Variants in DNAH14 observed in about 807,000 individuals in gnomAD.
DNAH14 encodes axonemal beta dynein heavy chain 14.
DNAH14 carries 478 observed loss-of-function variants against 520.9 expected under a neutral mutation model. The ratio of observed to expected loss-of-function variants is 0.92; its 90% CI spans 0.85 to 0.99. DNAH14 has a LOEUF of 0.99. Ranked by LOEUF, DNAH14 falls within the 50% of genes least tolerant of loss-of-function variation. DNAH14 has a pLI of 0.00. For missense variants in DNAH14, 4,831 were observed against 5,234.5 expected (o/e 0.92, Z 2.38); for synonymous variants, 1,581 against 1,757.2 (o/e 0.90, Z 2.51).
At chr1:225,289,774 T>G (rs1056661558) in intron 54 of DNAH14, 111 bp from the exon 55 acceptor site, 3 of 655,156 alleles carry the variant, frequency 4.6e-6, no homozygotes, top group Non-Finnish European at 6.8e-6. Flanking sequence ...ATAAAAATAG[T>G]CTGGGGTATT....
chr1:225,216,699 C>T (rs894852899), intron 41 of DNAH14, among the ~76,000 whole-genome samples: 1 of 152,172 alleles, frequency 6.6e-6, no homozygotes, highest in Admixed American at 6.5e-5. Context: ...GCTACTGAAG[C>T]TTGTGCATCT....
intron 79 of DNAH14, among the ~76,000 whole-genome samples, chr1:225,378,976 C>T (rs893681240): frequency 1.3e-5 from 2 of 152,102 alleles, no homozygotes; most frequent in African/African-American, 4.8e-5. Context: ...TACTCATCCA[C>T]TAACTGTCTA....
chr1:224,934,668 A>G (rs2058909474), intron 1 of DNAH14, among the ~76,000 whole-genome samples: 1 of 151,850 alleles, frequency 6.6e-6, no homozygotes, highest in Non-Finnish European at 1.5e-5. Context: ...TTAGACATTC[A>G]GACACTAGAG....
At chr1:225,019,114 G>C (rs2065445950) in intron 10 of DNAH14, among the ~76,000 whole-genome samples, 1 of 152,072 alleles carries the variant, frequency 6.6e-6, no homozygotes, top group Non-Finnish European at 1.5e-5. Context: ...CACTTTAAAG[G>C]CCAACTGTGA....
At chr1:225,214,533 C>T (rs1193837301) in intron 41 of DNAH14, among the ~76,000 whole-genome samples, 1 of 152,026 alleles carries the variant, frequency 6.6e-6, no homozygotes, top group Non-Finnish European at 1.5e-5. Context: ...AATCCATCTG[C>T]TGCTAGACTT....
Position 225,303,227 on chromosome 1 carries a change from A to G in DNAH14, c.8703A>G (p.Arg2901=), listed in dbSNP as rs771510133. 7.8e-6 allele frequency: 12 copies of G among 1,548,222 alleles called. No individual in the cohort carries two copies. In the African/African-American group the frequency reaches 1.1e-4, roughly 14 times the overall value. ...PEGPSFRQNC[R]VYPSMISSCT... ...GACCTAGCTTCCGCCAAAATTGTAG[A>G]GTGTATCCTTCTATGATTAGCTCCT... is the stretch of plus-strand genomic sequence containing the variant. The change falls in exon 57 of 86, where the codon AGA becomes AGG. Residue 2901 remains arginine (R), a synonymous_variant. Coordinates refer to ENST00000682510, the MANE Select transcript of DNAH14 (RefSeq NM_001367479.1).
In DNAH14 at chr1:225,335,283, A is replaced by G. The variant is rs1384524440; in HGVS notation, c.10080+1777A>G. Among the ~76,000 whole-genome samples, 13 of 139,378 alleles carry G rather than the reference A, an allele frequency of 9.3e-5. No individual in the cohort carries two copies. In the South Asian group the frequency reaches 1.2e-3, roughly 13 times the overall value. 91.4% of individuals were successfully genotyped at this position (139,378 alleles called of 152,430 possible). ...ACATATACACGTGTACATTGTGTGT[A>G]TATGCACATATACACATGTGTACAC... On this transcript the variant is annotated intron_variant, in intron 66 of 85. Coordinates refer to ENST00000682510, the MANE Select transcript of DNAH14 (RefSeq NM_001367479.1).
In DNAH14 at chr1:225,206,119, AGT is replaced by A; in HGVS notation, c.6128_6129del (p.Val2043GlyfsTer23). 1 of 1,551,508 alleles carries A rather than the reference AGT, an allele frequency of 6.4e-7. No individual in the cohort carries two copies. The highest frequency in any genetic ancestry group is 8.7e-7 in the Non-Finnish European group (1 of 1,146,838). ...LTNKIRVIFE[V>X]DNLSQASPAT... Reference sequence around the variant, plus strand: ...CTAATAAAATAAGAGTGATTTTTGAAGTGGACAATCTCTCTCAGGCCAGTCCT... The same window carrying A: ...CTAATAAAATAAGAGTGATTTTTGAAGGACAATCTCTCTCAGGCCAGTCCT... On this transcript the variant is annotated frameshift_variant, in exon 40 of 86. Coordinates refer to ENST00000682510, the MANE Select transcript of DNAH14 (RefSeq NM_001367479.1). LOFTEE classifies it high-confidence loss of function.
At chr1:225,307,659 A>G in intron 59 of DNAH14, 90 bp downstream of exon 59, 1 of 992,246 alleles carries the variant, frequency 1.0e-6, no homozygotes, top group Non-Finnish European at 1.4e-6. Context: ...TGACAAAGAC[A>G]GGCTAGAATT....
intron 38 of DNAH14, among the ~76,000 whole-genome samples, chr1:225,203,255 T>C (rs544700814): frequency 6.6e-6 from 1 of 152,302 alleles, no homozygotes; most frequent in East Asian, 1.9e-4. Flanking sequence ...AAACAATCTA[T>C]TTAGAGAAAG....
chr1:225,105,189 A>T (rs1412295975), intron 23 of DNAH14, among the ~76,000 whole-genome samples: 1 of 152,066 alleles, frequency 6.6e-6, no homozygotes, highest in Non-Finnish European at 1.5e-5. Context: ...CATGTGGTTG[A>T]GCGGTTTTGA....
intron 77 of DNAH14, among the ~76,000 whole-genome samples, chr1:225,368,946 C>T (rs981922665): frequency 5.3e-5 from 8 of 152,082 alleles, no homozygotes; most frequent in South Asian, 2.1e-4. Context: ...AGCTCAAGTA[C>T]GCTTCTGTCA....
At chr1:224,992,185 C>T (rs1319878871) in intron 8 of DNAH14, among the ~76,000 whole-genome samples, 1 of 152,000 alleles carries the variant, frequency 6.6e-6, no homozygotes, top group Non-Finnish European at 1.5e-5. Flanking sequence ...ATGCCTCCTG[C>T]TTTGTTCTTT....
chr1:224,953,316 G>A (rs2060297629), intron 2 of DNAH14, among the ~76,000 whole-genome samples: 1 of 151,782 alleles, frequency 6.6e-6, no homozygotes, highest in South Asian at 2.1e-4. Flanking sequence ...AGTAGAGATG[G>A]GGTTTCACCA....
Position 225,305,023 on chromosome 1 carries a change from A to G in DNAH14, c.8939A>G (p.Tyr2980Cys), listed in dbSNP as rs1450397810. 2 of 1,545,780 alleles carry G rather than the reference A, an allele frequency of 1.3e-6. No individual in the cohort carries two copies. The highest frequency in any genetic ancestry group is 1.7e-6 in the Non-Finnish European group (2 of 1,145,824). ...GRFYYTTPNS[Y>C]LQFMETFAHI... Reference sequence around the variant, plus strand: ...TTTTATTATACCACTCCCAATAGCTACTTGCAATTTATGGAAACATTTGCA... The same window carrying G: ...TTTTATTATACCACTCCCAATAGCTGCTTGCAATTTATGGAAACATTTGCA... The change falls in exon 58 of 86, where the codon TAC becomes TGC. Residue 2980 changes from tyrosine to cysteine, a missense_variant. Coordinates refer to ENST00000682510, the MANE Select transcript of DNAH14 (RefSeq NM_001367479.1).
At chr1:225,185,920 G>T (rs2084647047) in intron 37 of DNAH14, among the ~76,000 whole-genome samples, 3 of 124,590 alleles carry the variant, frequency 2.4e-5, no homozygotes, top group Non-Finnish European at 3.4e-5. Context: ...TTCACACTTT[G>T]GAATTTTCTA....
intron 21 of DNAH14, among the ~76,000 whole-genome samples, chr1:225,091,843 G>A (rs975994754): frequency 6.6e-6 from 1 of 151,908 alleles, no homozygotes; most frequent in African/African-American, 2.4e-5. Context: ...TAACTGCAAG[G>A]ACATCATAGG....
chr1:225,080,709 G>A lies in DNAH14; in HGVS notation c.3097G>A (p.Val1033Ile), dbSNP rs561371965. The stretch of plus-strand genomic sequence containing the variant: ...TGATGTAGAATCAGTACAGAGAAAT[G>A]TTTCAAAACTGATGCACATAATCTC... ...SIDVESVQRN[V>I]SKLMHIISVL... Residue 1033 changes from valine to isoleucine, a missense_variant, in exon 19 of 86, where the codon GTT (valine) becomes ATT (isoleucine). Coordinates refer to ENST00000682510, the MANE Select transcript of DNAH14 (RefSeq NM_001367479.1). The A allele has an allele frequency of 1.7e-4, 268 of 1,534,840 alleles. 2 individuals carry two copies. The highest frequency in any genetic ancestry group is 3.3e-5 in the Non-Finnish European group (38 of 1,140,054).
chr1:225,225,250 G>A (rs1021012465), intron 41 of DNAH14, among the ~76,000 whole-genome samples: 8 of 152,194 alleles, frequency 5.3e-5, no homozygotes, highest in African/African-American at 1.9e-4. Context: ...ATTAGTTATG[G>A]CAAACAGATG....
Sources: gnomAD v4.1 joint callset for allele counts (sites outside exome capture counted in the v4.1 genomes callset) on GRCh38, gnomAD v4.1.1 for gene constraint, MANE v1.5 for transcripts, NCBI Gene and HGNC (gene_info 2026-07-23, HGNC 2026-07-21) for gene names.